The following TLE2 variants were observed in gnomAD, a reference collection of about 807,000 sequenced individuals.
The protein encoded by TLE2 is TLE family member 2, transcriptional corepressor, also known as transducin-like enhancer protein 2.
Under a neutral mutation model 97.2 loss-of-function variants are expected in TLE2, and 74 were observed. The ratio of observed to expected loss-of-function variants is 0.76; its 90% CI spans 0.63 to 0.92. TLE2 has a LOEUF of 0.92. TLE2 is among the 40% of genes least tolerant of loss of function. The pLI is 0.00. For missense variants in TLE2, 1,038 were observed against 1,008.7 expected, an observed-to-expected ratio of 1.03 and a Z score of -0.39; for synonymous variants, 499 against 432.1, an observed-to-expected ratio of 1.15 and a Z score of -1.92.
intron 5 of TLE2, among the ~76,000 whole-genome samples, chr19:3,024,665 C>G (rs1257123717): frequency 6.6e-6 from 1 of 152,194 alleles, no homozygotes; most frequent in African/African-American, 2.4e-5. Context: ...TTCACACCTA[C>G]GCTACTGAAA....
At chr19:3,030,889 T>G (rs1452805257), upstream of TLE2, among the ~76,000 whole-genome samples, 1 of 149,620 alleles carries the variant, frequency 6.7e-6, no homozygotes, top group Non-Finnish European at 1.5e-5. Flanking sequence ...AGGTCAAGGC[T>G]GCACTGAGTT....
At chr19:3,029,560 G>GGGT (rs1340123920), upstream of TLE2, 3 of 728,264 alleles carry the variant, frequency 4.1e-6, no homozygotes, top group African/African-American at 2.9e-5. Flanking sequence ...CGTGGGAGCG[G>GGGT]GGGGGGGGGC....
At chr19:3,045,944 CAG>C, upstream of TLE2, 1 of 294,350 alleles carries the variant, frequency 3.4e-6, no homozygotes, top group South Asian at 2.9e-5. Flanking sequence ...GACCCTCCTT[CAG>C]AGAGAATCCT....
intron 1 of TLE2, among the ~76,000 whole-genome samples, chr19:3,042,952 C>T (rs947879055): frequency 1.3e-5 from 2 of 151,932 alleles, no homozygotes; most frequent in Admixed American, 1.3e-4. Flanking sequence ...CAGGCAGGGG[C>T]GGTTTCAGCT....
At chr19:3,033,913 C>T (rs1393149701), upstream of TLE2, among the ~76,000 whole-genome samples, 1 of 151,760 alleles carries the variant, frequency 6.6e-6, no homozygotes, top group African/African-American at 2.4e-5. Flanking sequence ...ACTTGAATGT[C>T]AACTTGACTC....
intron 1 of TLE2, among the ~76,000 whole-genome samples, chr19:3,045,092 T>C (rs1466484500): frequency 6.6e-6 from 1 of 152,120 alleles, no homozygotes; most frequent in Non-Finnish European, 1.5e-5. Flanking sequence ...TGTGTGCCTG[T>C]AGTCTTGGCT....
chr19:3,005,896 T>C lies in TLE2; in HGVS notation c.1573A>G (p.Ser525Gly), dbSNP rs2089464309. The change falls in exon 16 of 20, where the codon AGC becomes GGC. Residue 525 changes from serine (S) to glycine (G), a missense_variant. Ser to Gly is a moderately conservative substitution (Grantham distance 56). Transcript: ENST00000262953. Reference sequence around the variant, plus strand: ...GCCAGGTCCCAAATGGACAAGGTGCTGGCCTCACCGCCCACGATCAGACTC... The same window carrying C: ...GCCAGGTCCCAAATGGACAAGGTGCCGGCCTCACCGCCCACGATCAGACTC... ...GRSLIVGGEASTLSIWDLAAP... is the reference protein window; with the variant it reads ...GRSLIVGGEAGTLSIWDLAAP... 1 of 1,613,698 alleles carries C rather than the reference T, an allele frequency of 6.2e-7. No homozygotes were observed. Among genetic ancestry groups the C allele is most frequent in the Non-Finnish European group, 8.5e-7 (1 of 1,179,806 alleles).
At chr19:3,044,257 GC>G (rs1419596501) in intron 1 of TLE2, among the ~76,000 whole-genome samples, 1 of 151,912 alleles carries the variant, frequency 6.6e-6, no homozygotes, top group Non-Finnish European at 1.5e-5. Context: ...CCTCCAGCCT[GC>G]CCCCCTGGTG....
chr19:3,009,249 C>A (rs1354166821), intron 13 of TLE2, among the ~76,000 whole-genome samples: 1 of 152,202 alleles, frequency 6.6e-6, no homozygotes, highest in Non-Finnish European at 1.5e-5. Flanking sequence ...CCTCCCAGGA[C>A]AAATCTGGTC....
Position 3,028,320 on chromosome 19 carries a change from A to G in TLE2, c.185T>C (p.Met62Thr), listed in dbSNP as rs377281235. The change falls in exon 3 of 20, where the codon ATG becomes ACG. Residue 62 changes from methionine to threonine, a missense_variant and splice_region_variant. Coordinates refer to ENST00000262953, the MANE Select transcript of TLE2 (RefSeq NM_003260.5). ...CCCTGGCATCATAAGTGCCCTCACC[A>G]TGACATAATGTCGCTGCATTTCCGT... Reference protein sequence around the residue: ...EKTEMQRHYVMYYEMSYGLNI... With the variant: ...EKTEMQRHYVTYYEMSYGLNI... 3.4e-5 allele frequency: 54 copies of G among 1,608,030 alleles called. 1 individual carries two copies. Among genetic ancestry groups the G allele is most frequent in the Non-Finnish European group, 4.5e-5 (53 of 1,177,282 alleles).
chr19:3,037,888 A>C (rs897377087), intron 1 of TLE2, among the ~76,000 whole-genome samples: 2 of 152,170 alleles, frequency 1.3e-5, no homozygotes, highest in African/African-American at 2.4e-5. Context: ...TAGTTGGGCC[A>C]AGATGGGTGG....
At chr19:3,040,183 G>A (rs896489034) in intron 1 of TLE2, among the ~76,000 whole-genome samples, 3 of 152,012 alleles carry the variant, frequency 2.0e-5, no homozygotes, top group Non-Finnish European at 2.9e-5. Context: ...TCCTAGGATC[G>A]CCATGGACTC....
intron 15 of TLE2, 37 bp from the exon 16 acceptor site, chr19:3,006,005 T>C: frequency 6.2e-7 from 1 of 1,609,042 alleles, no homozygotes; most frequent in Non-Finnish European, 8.5e-7. Flanking sequence ...TGGGGGTTGG[T>C]CCCAGGTGAG....
chr19:3,019,653 G>A lies in TLE2; in HGVS notation c.369+46C>T. ...CTCCTGGGTGGGTGCCAGGGACCTG[G>A]GAGTGGGCGTCTCCCCATGGCGGGG... On this transcript the variant is annotated intron_variant, in intron 6 of 19. Coordinates refer to ENST00000262953, the MANE Select transcript of TLE2 (RefSeq NM_003260.5). This position sits in a 1 kb window ranked among gnomAD's most constrained non-coding sequence, Gnocchi z 5.1. 6.3e-7 allele frequency: 1 copy of A among 1,588,830 alleles called. No individual in the cohort carries two copies. Among genetic ancestry groups the A allele is most frequent in the Admixed American group, 1.8e-5 (1 of 55,824 alleles).
chr19:3,022,483 C>T (rs1035152359), intron 5 of TLE2, among the ~76,000 whole-genome samples: 4 of 150,518 alleles, frequency 2.7e-5, no homozygotes, highest in East Asian at 2.0e-4. Context: ...GAGCTGAGAT[C>T]GTGCCATTGC....
chr19:3,038,140 A>G (rs1456506099), intron 1 of TLE2, among the ~76,000 whole-genome samples: 4 of 152,060 alleles, frequency 2.6e-5, no homozygotes, highest in Non-Finnish European at 5.9e-5. Flanking sequence ...AATAATAACA[A>G]TAACAATAAT....
At chr19:3,042,632 G>A (rs1304950587) in intron 1 of TLE2, among the ~76,000 whole-genome samples, 1 of 151,630 alleles carries the variant, frequency 6.6e-6, no homozygotes, top group African/African-American at 2.4e-5. Context: ...CCGAGACAGA[G>A]GGGGCGAGGC....
chr19:3,038,302 G>A (rs2090076016), intron 1 of TLE2, among the ~76,000 whole-genome samples: 2 of 152,092 alleles, frequency 1.3e-5, no homozygotes, highest in South Asian at 4.1e-4. Flanking sequence ...TGACCTCGCT[G>A]GGCTCAAGCC....
intron 11 of TLE2, among the ~76,000 whole-genome samples, chr19:3,012,676 G>T (rs1267920519): frequency 6.6e-6 from 1 of 152,152 alleles, no homozygotes; most frequent in Non-Finnish European, 1.5e-5. Context: ...ACCCAGAGCT[G>T]TCCCTCCCCA....
Sources: gnomAD v4.1 joint callset for allele counts (sites outside exome capture counted in the v4.1 genomes callset) on GRCh38, gnomAD v4.1.1 for gene constraint, Gnocchi (gnomAD v3.1) non-coding constraint, MANE v1.5 for transcripts, NCBI Gene and HGNC (gene_info 2026-07-23, HGNC 2026-07-21) for gene names.